DPP10: variants seen among roughly 807,000 people sequenced by gnomAD.
DPP10 encodes dipeptidyl peptidase like 10.
A neutral mutation model predicts 120.9 loss-of-function variants in DPP10; 33 were observed. The observed-to-expected ratio is 0.27, with a 90% CI of 0.21 to 0.37. The LOEUF is 0.37. Among genes scored for constraint, DPP10 ranks in the 10% least tolerant of loss-of-function variants. The pLI, the probability that DPP10 is intolerant of heterozygous loss-of-function variation, is 1.00. For missense variants in DPP10, 816 were observed against 942.8 expected (o/e 0.87, Z 1.76); for synonymous variants, 337 against 326.1 (o/e 1.03, Z -0.36).
At chr2:114,907,483 T>A (rs1001436998) in intron 1 of DPP10, among the ~76,000 whole-genome samples, 1 of 152,134 alleles carries the variant, frequency 6.6e-6, no homozygotes, top group African/African-American at 2.4e-5. Context: ...CTCATAGAAT[T>A]TAGTATGTTG....
intron 1 of DPP10, among the ~76,000 whole-genome samples, chr2:114,894,216 G>C (rs189824480): frequency 1.5e-3 from 227 of 152,324 alleles, no homozygotes; most frequent in Middle Eastern, 6.8e-3. Context: ...ATGAAGGTAA[G>C]AGGTAATAGT....
intron 3 of DPP10, among the ~76,000 whole-genome samples, chr2:115,352,801 A>G (rs1185939726): frequency 6.6e-6 from 1 of 152,148 alleles, no homozygotes; most frequent in Non-Finnish European, 1.5e-5. Flanking sequence ...ACTCAGTCCA[A>G]TTACGATGAA....
At chr2:114,668,546 G>A (rs1168346373) in intron 1 of DPP10, among the ~76,000 whole-genome samples, 1 of 152,062 alleles carries the variant, frequency 6.6e-6, no homozygotes, top group East Asian at 1.9e-4. Flanking sequence ...AGCAGCCTTA[G>A]CCCAGTAAAG....
At chr2:115,025,247 G>A (rs1384905960) in intron 1 of DPP10, among the ~76,000 whole-genome samples, 1 of 151,864 alleles carries the variant, frequency 6.6e-6, no homozygotes, top group Non-Finnish European at 1.5e-5. Context: ...TGTAAGAACA[G>A]GCAATATTTG....
intron 1 of DPP10, among the ~76,000 whole-genome samples, chr2:114,902,853 C>T (rs972162675): frequency 3.9e-5 from 6 of 152,120 alleles, no homozygotes; most frequent in East Asian, 1.9e-4. Flanking sequence ...GGTGGTTGTA[C>T]ATTCTATGGA....
rs117820728 is a variant in DPP10, at chr2:115,750,167, G to T, written c.951-3007G>T. ...AGGAGGACAGCTACATCTGCAGCAG[G>T]CAGGCCAACGAGTGTGACATTTCCA... On this transcript the variant is annotated intron_variant, in intron 10 of 25. Transcript: ENST00000410059. The T allele has an allele frequency of 5.2e-5, 51 of 985,318 alleles. 1 individual carries two copies. The East Asian group carries it at 5.1e-3, about 99-fold the overall frequency. The allele number at this position is 985,318 out of a possible 1,614,324, so 61.0% of individuals were successfully genotyped here. A position where few individuals can be genotyped will look rare whatever the true frequency, so the allele number is the denominator to read the frequency against.
intron 2 of DPP10, among the ~76,000 whole-genome samples, chr2:115,334,511 T>A (rs927872547): frequency 6.6e-6 from 1 of 151,780 alleles, no homozygotes; most frequent in Non-Finnish European, 1.5e-5. Context: ...ATTTATATTT[T>A]GGAACTTATA....
intron 3 of DPP10, among the ~76,000 whole-genome samples, chr2:115,347,935 A>G (rs537431095): frequency 6.6e-6 from 1 of 152,294 alleles, no homozygotes; most frequent in African/African-American, 2.4e-5. Flanking sequence ...TAGTGCTGCA[A>G]TAAATATACA....
At chr2:114,862,507 C>A (rs1689891297) in intron 1 of DPP10, among the ~76,000 whole-genome samples, 1 of 152,082 alleles carries the variant, frequency 6.6e-6, no homozygotes, top group Non-Finnish European at 1.5e-5. Flanking sequence ...GTGATTTTCT[C>A]TCCTGTGAAA....
intron 5 of DPP10, among the ~76,000 whole-genome samples, chr2:115,622,396 G>A (rs927453090): frequency 6.6e-6 from 1 of 151,534 alleles, no homozygotes; most frequent in African/African-American, 2.4e-5. Flanking sequence ...TCCATTTCTT[G>A]GATATACTAC....
chr2:114,831,854 A>AT (rs1457741168), intron 1 of DPP10, among the ~76,000 whole-genome samples: 1 of 104,360 alleles, frequency 9.6e-6, no homozygotes, highest in Non-Finnish European at 2.4e-5. Flanking sequence ...TTTAATTAAA[A>AT]AAAATATATA....
At chr2:115,435,590 C>A (rs573464590) in intron 3 of DPP10, among the ~76,000 whole-genome samples, 1 of 151,706 alleles carries the variant, frequency 6.6e-6, no homozygotes, top group Non-Finnish European at 1.5e-5. Flanking sequence ...CTTATATATT[C>A]TGATTATTAA....
intron 5 of DPP10, among the ~76,000 whole-genome samples, chr2:115,672,351 G>A (rs1052118665): frequency 6.6e-6 from 1 of 151,828 alleles, no homozygotes; most frequent in African/African-American, 2.4e-5. Flanking sequence ...ACCTAATCAG[G>A]TCATTTTGTT....
At chr2:115,621,921 G>A (rs1172097781) in intron 5 of DPP10, among the ~76,000 whole-genome samples, 4 of 151,960 alleles carry the variant, frequency 2.6e-5, no homozygotes, top group African/African-American at 4.8e-5. Context: ...CAGGTGGTCC[G>A]CCTGTCTCAG....
intron 1 of DPP10, among the ~76,000 whole-genome samples, chr2:114,642,106 T>C (rs1208239347): frequency 6.6e-6 from 1 of 151,986 alleles, no homozygotes; most frequent in Non-Finnish European, 1.5e-5. Context: ...AGTTCTGCTA[T>C]CTTCTCCAAT....
chr2:115,088,592 A>C (rs1285446317), intron 1 of DPP10, among the ~76,000 whole-genome samples: 1 of 151,740 alleles, frequency 6.6e-6, no homozygotes, highest in Non-Finnish European at 1.5e-5. Context: ...ACACATGGGC[A>C]TCACCATGCC....
intron 1 of DPP10, among the ~76,000 whole-genome samples, chr2:114,538,791 A>G (rs1334038013): frequency 2.0e-5 from 3 of 152,370 alleles, no homozygotes; most frequent in African/African-American, 7.2e-5. Context: ...CAAAGGACCC[A>G]GACTGAGAGA....
intron 5 of DPP10, among the ~76,000 whole-genome samples, chr2:115,599,946 C>G (rs2083221101): frequency 6.6e-6 from 1 of 152,230 alleles, no homozygotes; most frequent in South Asian, 2.1e-4. Context: ...CAACCAGGAA[C>G]TTACCTTGAG....
At chr2:114,510,713 C>T (rs113271331) in intron 1 of DPP10, among the ~76,000 whole-genome samples, 11 of 152,184 alleles carry the variant, frequency 7.2e-5, no homozygotes, top group African/African-American at 2.4e-4. Context: ...TGTCAGGTTT[C>T]CTATCACCAC....
Sources: gnomAD v4.1 joint callset for allele counts (sites outside exome capture counted in the v4.1 genomes callset) on GRCh38, gnomAD v4.1.1 for gene constraint, MANE v1.5 for transcripts, NCBI Gene and HGNC (gene_info 2026-07-23, HGNC 2026-07-21) for gene names.